The following PDE6A variants were observed in gnomAD, a reference collection of about 807,000 sequenced individuals.
PDE6A encodes rod cGMP-specific 3',5'-cyclic phosphodiesterase subunit alpha.
A neutral mutation model predicts 106.3 loss-of-function variants in PDE6A; 84 were observed. The ratio of observed to expected loss-of-function variants is 0.79; its 90% CI spans 0.66 to 0.95. The LOEUF is 0.95. Among genes scored for constraint, PDE6A ranks in the 40% least tolerant of loss-of-function variants. The probability of loss-of-function intolerance (pLI) is 0.00; values close to 1 mark genes in which losing one functional copy is unlikely to be tolerated. For missense variants in PDE6A, 1,052 were observed against 1,084.9 expected (o/e 0.97, Z 0.43); for synonymous variants, 394 against 386.6 (o/e 1.02, Z -0.23).
chr5:149,932,391 C>G (rs149943035), intron 3 of PDE6A: 1 of 1,364,140 alleles, frequency 7.3e-7, no homozygotes, highest in Non-Finnish European at 1.0e-6. Flanking sequence ...CCTAAGTACA[C>G]GAGGTGCTGT....
chr5:149,925,239 A>G (rs183202793), intron 4 of PDE6A, among the ~76,000 whole-genome samples: 124 of 152,350 alleles, frequency 8.1e-4, no homozygotes, highest in Non-Finnish European at 1.0e-3. Context: ...TATAAATATT[A>G]TAGCTTTCAG....
At chr5:149,887,802 A>G (rs140947180) in intron 13 of PDE6A, among the ~76,000 whole-genome samples, 328 of 151,970 alleles carry the variant, frequency 2.2e-3, no homozygotes, top group African/African-American at 7.5e-3. Flanking sequence ...ACATCTTATC[A>G]ATAGCCTGCC....
intron 1 of PDE6A, among the ~76,000 whole-genome samples, chr5:149,937,524 C>A (rs912280204): frequency 6.6e-6 from 1 of 152,052 alleles, no homozygotes; most frequent in African/African-American, 2.4e-5. Context: ...ACAACAGGGG[C>A]GTACCACCAT....
intron 5 of PDE6A, among the ~76,000 whole-genome samples, chr5:149,919,821 C>T (rs1581200201): frequency 6.6e-6 from 1 of 152,072 alleles, no homozygotes; most frequent in African/African-American, 2.4e-5. Flanking sequence ...TCCATGAAGG[C>T]TTTTTAGCCT....
chr5:149,870,676 C>G (rs537738021), intron 17 of PDE6A, among the ~76,000 whole-genome samples: 1 of 151,750 alleles, frequency 6.6e-6, no homozygotes, highest in South Asian at 2.1e-4. Flanking sequence ...TCCAGCACCT[C>G]CCCCTTATAT....
At chr5:149,917,472 C>A (rs1753590678) in intron 5 of PDE6A, among the ~76,000 whole-genome samples, 2 of 152,172 alleles carry the variant, frequency 1.3e-5, no homozygotes. Context: ...GACGGGCAAT[C>A]AGCAATGGTC....
In PDE6A at chr5:149,873,277, A is replaced by G. The variant is rs184853184; in HGVS notation, c.2136-5119T>C. 9.9e-5 allele frequency among the ~76,000 whole-genome samples: 15 copies of G among 151,450 alleles called. No homozygotes were observed. In the East Asian group the frequency reaches 2.7e-3, roughly 27 times the overall value. On this transcript the variant is annotated intron_variant, in intron 17 of 21. Coordinates refer to ENST00000255266, the MANE Select transcript of PDE6A (RefSeq NM_000440.3). ...GCCCTCTGTAAAAGAATACAGCTTTATTTATGGAGACTGAAGTTTGAATTT... is the reference window on the plus strand; with the variant it reads ...GCCCTCTGTAAAAGAATACAGCTTTGTTTATGGAGACTGAAGTTTGAATTT...
chr5:149,942,367 T>C (rs1754348873), intron 1 of PDE6A, among the ~76,000 whole-genome samples: 1 of 152,172 alleles, frequency 6.6e-6, no homozygotes, highest in African/African-American at 2.4e-5. Flanking sequence ...CATGAGAGTT[T>C]GACCTGTTCC....
chr5:149,884,250 A>G (rs1379503904), intron 16 of PDE6A, among the ~76,000 whole-genome samples: 1 of 146,504 alleles, frequency 6.8e-6, no homozygotes, highest in African/African-American at 2.5e-5. Context: ...ATATATGTGT[A>G]TATATATGTG....
intron 17 of PDE6A, among the ~76,000 whole-genome samples, chr5:149,869,967 C>T (rs1337482713): frequency 1.3e-5 from 2 of 152,166 alleles, no homozygotes; most frequent in African/African-American, 4.8e-5. Context: ...AAGAGTTACT[C>T]ATGGAATATT....
At chr5:149,915,584 A>C (rs905639695) in intron 5 of PDE6A, among the ~76,000 whole-genome samples, 3 of 152,292 alleles carry the variant, frequency 2.0e-5, no homozygotes, top group African/African-American at 7.2e-5. Context: ...CCTTGGAGGC[A>C]GCTCACAGTG....
chr5:149,935,760 T>C (rs1230494913), intron 1 of PDE6A, among the ~76,000 whole-genome samples: 2 of 152,234 alleles, frequency 1.3e-5, no homozygotes, highest in African/African-American at 4.8e-5. Flanking sequence ...TTTTGGACTG[T>C]CAGCATTGCT....
In PDE6A at chr5:149,896,826, T is replaced by C. The variant is rs763860559; in HGVS notation, c.1408-50A>G. 3.8e-6 allele frequency: 6 copies of C among 1,589,532 alleles called. No individual in the cohort carries two copies. The African/African-American group carries it at 6.7e-5, about 18-fold the overall frequency. On this transcript the variant is annotated intron_variant, in intron 10 of 21. Transcript: ENST00000255266. ...GAAAAAAAATAGGTTACAACATGCC[T>C]CCGCGTTTCCATTCCCATTTATCTC...
At chr5:149,893,438 A>T (rs1752619398) in intron 13 of PDE6A, among the ~76,000 whole-genome samples, 1 of 152,198 alleles carries the variant, frequency 6.6e-6, no homozygotes, top group Non-Finnish European at 1.5e-5. Flanking sequence ...AGGAAACCGT[A>T]CTCTGACCTT....
chr5:149,868,913 T>C (rs1760432744), intron 17 of PDE6A, among the ~76,000 whole-genome samples: 1 of 152,174 alleles, frequency 6.6e-6, no homozygotes, highest in South Asian at 2.1e-4. Flanking sequence ...CTTTCTCTTC[T>C]AGGCCATTTC....
At position 149,879,901 on chromosome 5, in the gene PDE6A, T is replaced by C. The variant is rs1581161821; in HGVS notation, c.2135+3528A>G. ...CTGGAGTTTATTTTGGTATAAGGAATGAGATAGAGATCTAACTTCATGGCC... is the reference window on the plus strand; with the variant it reads ...CTGGAGTTTATTTTGGTATAAGGAACGAGATAGAGATCTAACTTCATGGCC... On this transcript the variant is annotated intron_variant, in intron 17 of 21. Coordinates refer to ENST00000255266, the MANE Select transcript of PDE6A (RefSeq NM_000440.3). Among the ~76,000 whole-genome samples, 4 of 152,274 alleles carry C rather than the reference T, an allele frequency of 2.6e-5. No homozygotes were observed. In the East Asian group the frequency reaches 5.8e-4, roughly 22 times the overall value.
At chr5:149,895,367 A>G in intron 12 of PDE6A, 77 bp from the exon 13 acceptor site, 1 of 973,474 alleles carries the variant, frequency 1.0e-6, no homozygotes, top group South Asian at 1.3e-5. Context: ...AAAAATATGA[A>G]GAAGGCATGG....
intron 2 of PDE6A, 76 bp from the exon 3 acceptor site, chr5:149,934,095 A>T (rs1433433150): frequency 1.2e-6 from 1 of 811,636 alleles, no homozygotes; most frequent in Non-Finnish European, 2.1e-6. Flanking sequence ...CCATCAGCAA[A>T]TATCTGAATA....
intron 17 of PDE6A, among the ~76,000 whole-genome samples, chr5:149,872,689 T>G (rs1192972202): frequency 6.6e-6 from 1 of 152,156 alleles, no homozygotes. Context: ...CAGGAGACCC[T>G]GCCGGGGAAG....
Sources: gnomAD v4.1 joint callset for allele counts (sites outside exome capture counted in the v4.1 genomes callset) on GRCh38, gnomAD v4.1.1 for gene constraint, MANE v1.5 for transcripts, NCBI Gene and HGNC (gene_info 2026-07-23, HGNC 2026-07-21) for gene names.